Variants in CBL observed in about 807,000 individuals in gnomAD.
CBL encodes the protein Cbl proto-oncogene.
A neutral mutation model predicts 96.9 loss-of-function variants in CBL; 45 were observed. The ratio of observed to expected loss-of-function variants is 0.46; its 90% CI spans 0.37 to 0.60. The LOEUF (loss-of-function observed/expected upper bound fraction) is 0.60. Among genes scored for constraint, CBL ranks in the 20% least tolerant of loss-of-function variants. The probability of loss-of-function intolerance (pLI) is 0.00; values close to 1 mark genes in which losing one functional copy is unlikely to be tolerated. For synonymous variants in CBL, 420 were observed against 426.8 expected, an observed-to-expected ratio of 0.98 and a Z score of 0.20; for missense variants, 1,024 against 1,143.5, an observed-to-expected ratio of 0.90 and a Z score of 1.51.
intron 2 of CBL, among the ~76,000 whole-genome samples, chr11:119,239,600 C>T (rs1216288672): frequency 6.6e-6 from 1 of 152,014 alleles, no homozygotes; most frequent in East Asian, 1.9e-4. Context: ...TTTTTCTTGC[C>T]TAATTATTCT....
intron 1 of CBL, among the ~76,000 whole-genome samples, chr11:119,214,927 T>C (rs917662796): frequency 6.8e-6 from 1 of 147,722 alleles, no homozygotes; most frequent in Non-Finnish European, 1.5e-5. Flanking sequence ...TAGTGAGTGC[T>C]CATTAAGGTA....
At chr11:119,236,187 A>G (rs546029266) in intron 2 of CBL, among the ~76,000 whole-genome samples, 1 of 152,220 alleles carries the variant, frequency 6.6e-6, no homozygotes, top group East Asian at 1.9e-4. Flanking sequence ...ACCCCCCAAC[A>G]GGAAACCCCA....
Position 119,301,293 on chromosome 11 carries a change from A to G in CBL, c.*1512A>G, listed in dbSNP as rs747048191. On this transcript the variant is annotated 3_prime_UTR_variant, in exon 16 of 16. Transcript: ENST00000264033. ...AGTTTGTGTAATTGCAAGTTCATAA[A>G]GAGAATTGAGGGTCCAGTTGGGAGA... 3 of 233,182 alleles carry G rather than the reference A, an allele frequency of 1.3e-5. No individual in the cohort carries two copies. Among genetic ancestry groups the G allele is most frequent in the Admixed American group, 5.6e-5 (1 of 17,788 alleles). 14.4% of individuals were successfully genotyped at this position (233,182 alleles called of 1,614,324 possible).
At chr11:119,260,939 C>CTTTTTGTTTTTTT (rs1949749292) in intron 2 of CBL, among the ~76,000 whole-genome samples, 1 of 89,920 alleles carries the variant, frequency 1.1e-5, no homozygotes, top group African/African-American at 5.0e-5. Context: ...TAAATCTCTA[C>CTTTTTGTTTTTTT]TTTTTTTTTT....
At chr11:119,231,472 A>T (rs1949501361) in intron 1 of CBL, among the ~76,000 whole-genome samples, 1 of 152,050 alleles carries the variant, frequency 6.6e-6, no homozygotes, top group Non-Finnish European at 1.5e-5. Context: ...GCACTTTGGG[A>T]GGCTGAGGCC....
intron 1 of CBL, among the ~76,000 whole-genome samples, chr11:119,231,711 A>C (rs1392683596): frequency 6.6e-6 from 1 of 152,170 alleles, no homozygotes; most frequent in African/African-American, 2.4e-5. Flanking sequence ...TCTGTCTCAA[A>C]AAACAAACAA....
intron 2 of CBL, among the ~76,000 whole-genome samples, chr11:119,270,657 G>A (rs1009656120): frequency 1.6e-4 from 23 of 146,962 alleles, no homozygotes; most frequent in Admixed American, 3.5e-4. Flanking sequence ...CGTTTTAGCC[G>A]GGATGGTCTC....
Position 119,298,482 on chromosome 11 carries a change from T to C in CBL, c.2376T>C (p.Asp792=). Residue 792 remains aspartate, a synonymous_variant, in exon 15 of 16, where the codon GAT becomes GAC. Transcript: ENST00000264033. ...TGCTGGCCCGCCGAACTCTCTCAGATATCTCTAATGCCAGCTCCTCCTTTG... is the reference window on the plus strand; with the variant it reads ...TGCTGGCCCGCCGAACTCTCTCAGACATCTCTAATGCCAGCTCCTCCTTTG... The part of the protein sequence containing the change: ...PAVLARRTLS[D]ISNASSSFGW... The C allele has an allele frequency of 6.2e-7, 1 of 1,614,212 alleles. No individual in the cohort carries two copies. Among genetic ancestry groups the C allele is most frequent in the South Asian group, 1.1e-5 (1 of 91,074 alleles).
chr11:119,236,235 T>C (rs560609452), intron 2 of CBL, among the ~76,000 whole-genome samples: 7 of 152,118 alleles, frequency 4.6e-5, no homozygotes, highest in Non-Finnish European at 1.0e-4. Context: ...TCTCTCTGGA[T>C]CTCCCCTGGC....
At chr11:119,221,693 G>A (rs953395094) in intron 1 of CBL, among the ~76,000 whole-genome samples, 6 of 151,788 alleles carry the variant, frequency 4.0e-5, no homozygotes, top group Admixed American at 3.3e-4. Flanking sequence ...GCTTGAACCC[G>A]GGAGGCGGAG....
In CBL at chr11:119,225,049, GGT is replaced by G. The variant is rs143591231; in HGVS notation, c.196-7375_196-7374del. ...CTCCGTTTTATCCTAAACTCTTTGG[GGT>G]GTGTGTGTGTGTGTGTGTGTGTGCG... On this transcript the variant is annotated intron_variant, in intron 1 of 15. Transcript: ENST00000264033. 3.2e-3 allele frequency among the ~76,000 whole-genome samples: 480 copies of G among 148,598 alleles called. 3 individuals are homozygous for G. Among genetic ancestry groups the G allele is most frequent in the East Asian group, 4.3e-3 (22 of 5,104 alleles).
Position 119,301,994 on chromosome 11 carries a change from G to A in CBL, c.*2213G>A. ...TCTAAAGATCTCTTTGGAAGACAAA[G>A]CATTGGCTATATATCTTTTGCCTTT... is the stretch of plus-strand genomic sequence containing the variant. On this transcript the variant is annotated 3_prime_UTR_variant, in exon 16 of 16. Transcript: ENST00000264033. 4.3e-6 allele frequency: 1 copy of A among 233,108 alleles called. No homozygotes were observed. Among genetic ancestry groups the A allele is most frequent in the Non-Finnish European group, 8.5e-6 (1 of 117,984 alleles). The allele number at this position is 233,108 out of a possible 1,614,324, so 14.4% of individuals were successfully genotyped here. A position where few individuals can be genotyped will look rare whatever the true frequency, so the allele number is the denominator to read the frequency against.
At chr11:119,227,243 C>A (rs922193326) in intron 1 of CBL, among the ~76,000 whole-genome samples, 1 of 152,148 alleles carries the variant, frequency 6.6e-6, no homozygotes, top group Non-Finnish European at 1.5e-5. Flanking sequence ...CTCTAGGCTA[C>A]TGTGTTATGA....
chr11:119,257,653 T>G (rs531304902), intron 2 of CBL, among the ~76,000 whole-genome samples: 1 of 152,170 alleles, frequency 6.6e-6, no homozygotes, highest in Non-Finnish European at 1.5e-5. Flanking sequence ...TTTTCCTAGG[T>G]TTTCTTCTAG....
At chr11:119,269,485 G>A (rs962363735) in intron 2 of CBL, among the ~76,000 whole-genome samples, 3 of 151,938 alleles carry the variant, frequency 2.0e-5, no homozygotes, top group Non-Finnish European at 2.9e-5. Flanking sequence ...GATTACAGGC[G>A]TGAACCACCG....
chr11:119,217,416 A>T (rs191094057), intron 1 of CBL, among the ~76,000 whole-genome samples: 1 of 152,244 alleles, frequency 6.6e-6, no homozygotes, highest in Admixed American at 6.5e-5. Context: ...TGCAGCCCAT[A>T]TTTTTGTTTT....
At chr11:119,206,721 G>GC in intron 1 of CBL, 109 bp downstream of exon 1, 1 of 1,226,598 alleles carries the variant, frequency 8.2e-7, no homozygotes, top group Non-Finnish European at 1.1e-6. Flanking sequence ...GTCTGGTGAA[G>GC]CCGGGGAGGC....
intron 1 of CBL, among the ~76,000 whole-genome samples, chr11:119,219,716 C>T (rs1949392871): frequency 6.7e-6 from 1 of 150,124 alleles, no homozygotes; most frequent in African/African-American, 2.4e-5. Flanking sequence ...CAGAGTCTTA[C>T]TCTGTTGTCC....
intron 2 of CBL, among the ~76,000 whole-genome samples, chr11:119,258,993 C>T (rs897916842): frequency 2.6e-5 from 4 of 152,154 alleles, no homozygotes; most frequent in Non-Finnish European, 5.9e-5. Context: ...GATCTTTCAT[C>T]TCCTTGGTTA....
Sources: gnomAD v4.1 joint callset for allele counts (sites outside exome capture counted in the v4.1 genomes callset) on GRCh38, gnomAD v4.1.1 for gene constraint, MANE v1.5 for transcripts, NCBI Gene and HGNC (gene_info 2026-07-23, HGNC 2026-07-21) for gene names.